Variants in NEURL3 observed in about 807,000 individuals in gnomAD.
The protein encoded by NEURL3 is E3 ubiquitin-protein ligase NEURL3.
Under a neutral mutation model 17.6 loss-of-function variants are expected in NEURL3, and 19 were observed. The ratio of observed to expected loss-of-function variants is 1.08; its 90% CI spans 0.75 to 1.58. The LOEUF is 1.58. NEURL3 is among the 40% of genes most tolerant of loss of function. NEURL3 has a pLI of 0.00. For synonymous variants in NEURL3, 180 were observed against 161.4 expected (o/e 1.11, Z -0.87); for missense variants, 342 against 379.6 (o/e 0.90, Z 0.82).
At chr2:96,505,379 CT>C, upstream of NEURL3, 1 of 1,270,884 alleles carries the variant, frequency 7.9e-7, no homozygotes, top group Non-Finnish European at 1.1e-6. Context: ...AGCAGGTCTG[CT>C]TTTTATGGGC....
intron 3 of NEURL3, 53 bp downstream of exon 3, chr2:96,499,325 A>T: frequency 1.3e-6 from 2 of 1,591,268 alleles, no homozygotes; most frequent in East Asian, 4.5e-5. Context: ...TTCTCCCTCC[A>T]CTCCCAGGTG....
intron 3 of NEURL3, 193 bp downstream of exon 3, chr2:96,499,185 C>G: frequency 7.1e-7 from 1 of 1,399,792 alleles, no homozygotes; most frequent in East Asian, 2.6e-5. Context: ...GCTCTTATAA[C>G]TCACAGAGTA....
In NEURL3 at chr2:96,498,278, C is replaced by A; in HGVS notation, c.755G>T (p.Gly252Val). 3.2e-6 allele frequency: 5 copies of A among 1,581,300 alleles called. No individual in the cohort carries two copies. Among genetic ancestry groups the A allele is most frequent in the South Asian group, 1.1e-5 (1 of 88,166 alleles). ...TTCCTCAACCCTCAGAGCAGGAGGG[C>A]CCTGCGCAGGGGCTACCGCCTCTAT... Reference protein sequence around the residue: ...WQIEAVAPAQGPPALRVEEGS With the variant: ...WQIEAVAPAQVPPALRVEEGS Residue 252 changes from glycine to valine, a missense_variant, in exon 4 of 4, where the codon GGC (glycine) becomes GTC (valine). By Grantham distance (109) the Gly-to-Val change is moderately radical. Coordinates refer to ENST00000451794, the MANE Select transcript of NEURL3 (RefSeq NM_001285485.2). This position sits in a 1 kb window ranked among gnomAD's most constrained non-coding sequence, Gnocchi z 4.4.
chr2:96,506,340 G>C (rs2065560535), upstream of NEURL3, among the ~76,000 whole-genome samples: 1 of 152,130 alleles, frequency 6.6e-6, no homozygotes. Context: ...TGAGTAGCTG[G>C]GACCACAGGT....
At position 96,498,058 on chromosome 2, in the gene NEURL3, T is replaced by G. The variant is rs2065460598; in HGVS notation, c.*186A>C. 1 of 611,652 alleles carries G rather than the reference T, an allele frequency of 1.6e-6. No individual in the cohort carries two copies. Among genetic ancestry groups the G allele is most frequent in the Non-Finnish European group, 2.8e-6 (1 of 352,988 alleles). 37.9% of individuals were successfully genotyped at this position (611,652 alleles called of 1,614,324 possible). A position where few individuals can be genotyped will look rare whatever the true frequency, so the allele number is the denominator to read the frequency against. ...CAGAAAGAGGGGTTTTTCCTTGCTA[T>G]CCTGTTGGGGAACAGGTGGAGGCAG... is the stretch of plus-strand genomic sequence containing the variant. On this transcript the variant is annotated 3_prime_UTR_variant, in exon 4 of 4. Transcript: ENST00000451794. This position sits in a 1 kb window ranked among gnomAD's most constrained non-coding sequence, Gnocchi z 4.4.
Position 96,498,775 on chromosome 2 carries a change from C to T in NEURL3, c.587-329G>A, listed in dbSNP as rs1025857201. ...CTTTTTTTTTAACTTTCCTCTTTAT[C>T]CTTTAATCTTTTTTATTTTTTAGAG... On this transcript the variant is annotated intron_variant, in intron 3 of 3. Transcript: ENST00000451794. This position sits in a 1 kb window ranked among gnomAD's most constrained non-coding sequence, Gnocchi z 4.4. Among the ~76,000 whole-genome samples, 1 of 151,954 alleles carries T rather than the reference C, an allele frequency of 6.6e-6. No individual in the cohort carries two copies. The highest frequency in any genetic ancestry group is 1.5e-5 in the Non-Finnish European group (1 of 67,996).
At chr2:96,501,053 A>C in intron 1 of NEURL3, 129 bp from the exon 2 acceptor site, 7 of 1,146,898 alleles carry the variant, frequency 6.1e-6, no homozygotes, top group Admixed American at 7.2e-5. Context: ...GACCATTTCC[A>C]CCTCTCTCGG....
At chr2:96,505,167 C>T in intron 1 of NEURL3, 92 bp downstream of exon 1, 1 of 1,481,990 alleles carries the variant, frequency 6.7e-7, no homozygotes, top group Non-Finnish European at 9.3e-7. Context: ...ACACTGACCA[C>T]ATCTCTACTC....
rs1329355114 is a variant in NEURL3 at position 96,500,464 on chromosome 2, C to A, written c.489G>T (p.Gly163=). 6.3e-7 allele frequency: 1 copy of A among 1,597,236 alleles called. No individual in the cohort carries two copies. The highest frequency in any genetic ancestry group is 2.2e-5 in the East Asian group (1 of 44,820). Residue 163 remains glycine, a synonymous_variant, in exon 2 of 4, where the codon GGG becomes GGT. Transcript: ENST00000451794. ...CCAGCAGCTCGATGGCCTTAGTGGTCCCATACACGTCCATCACGGCCCAGA... is the reference window on the plus strand; with the variant it reads ...CCAGCAGCTCGATGGCCTTAGTGGTACCATACACGTCCATCACGGCCCAGA... ...APLWAVMDVY[G]TTKAIELLDP...
Position 96,498,115 on chromosome 2 carries a change from C to T in NEURL3, c.*129G>A. The T allele has an allele frequency of 2.1e-6, 2 of 964,382 alleles. No homozygotes were observed. Among genetic ancestry groups the T allele is most frequent in the Middle Eastern group, 3.4e-4 (1 of 2,930 alleles). The allele number at this position is 964,382 out of a possible 1,614,324, so 59.7% of individuals were successfully genotyped here. Reference sequence around the variant, plus strand: ...GCACCTCCCTGCCTTCCTCTCTCTGCCGCACCTCTTGCTAATCAGCCTTTC... The same window carrying T: ...GCACCTCCCTGCCTTCCTCTCTCTGTCGCACCTCTTGCTAATCAGCCTTTC... On this transcript the variant is annotated 3_prime_UTR_variant, in exon 4 of 4. Transcript: ENST00000451794. The surrounding 1 kb of genome is among the most constrained non-coding windows in gnomAD (Gnocchi z 4.4).
chr2:96,498,247 T>C lies in NEURL3; in HGVS notation c.786A>G (p.Ser262=), dbSNP rs2065462961. ...GPPALRVEEG[S] is the part of the protein sequence containing the mutation. ...ACTCATACTGGGAAGCCTCCTTTCATGAGCCTTCCTCAACCCTCAGAGCAG... is the reference window on the plus strand; with the variant it reads ...ACTCATACTGGGAAGCCTCCTTTCACGAGCCTTCCTCAACCCTCAGAGCAG... The change falls in exon 4 of 4, where the codon TCA becomes TCG. Residue 262 remains serine, a synonymous_variant. Coordinates refer to ENST00000451794, the MANE Select transcript of NEURL3 (RefSeq NM_001285485.2). This position sits in a 1 kb window ranked among gnomAD's most constrained non-coding sequence, Gnocchi z 4.4. 6.5e-7 allele frequency: 1 copy of C among 1,548,886 alleles called. No individual in the cohort carries two copies. The highest frequency in any genetic ancestry group is 1.4e-5 in the African/African-American group (1 of 73,836).
chr2:96,506,520 C>T (rs937925716), upstream of NEURL3, among the ~76,000 whole-genome samples: 2 of 152,314 alleles, frequency 1.3e-5, no homozygotes, highest in East Asian at 1.9e-4. Flanking sequence ...ACCCCACTTT[C>T]GGGGGCAAGG....
rs2065459696 is a variant in NEURL3 at position 96,497,971 on chromosome 2, G to C, written c.*273C>G. 2 of 435,380 alleles carry C rather than the reference G, an allele frequency of 4.6e-6. No homozygotes were observed. The highest frequency in any genetic ancestry group is 8.2e-6 in the Non-Finnish European group (2 of 243,232). The allele number at this position is 435,380 out of a possible 1,614,324, so 27.0% of individuals were successfully genotyped here. ...AACTCCCTCAGATGTAAAACTGATT[G>C]GGGATTGGGCCACCCCATCTCTAAA... is the stretch of plus-strand genomic sequence containing the variant. On this transcript the variant is annotated 3_prime_UTR_variant, in exon 4 of 4. Transcript: ENST00000451794.
chr2:96,506,974 T>G (rs916672072), upstream of NEURL3, among the ~76,000 whole-genome samples: 1 of 152,168 alleles, frequency 6.6e-6, no homozygotes, highest in African/African-American at 2.4e-5. Flanking sequence ...CGCCACACAC[T>G]CTGTGTTTGT....
intron 1 of NEURL3, among the ~76,000 whole-genome samples, chr2:96,503,665 TC>T (rs1417649183): frequency 2.0e-5 from 3 of 152,164 alleles, no homozygotes; most frequent in Non-Finnish European, 4.4e-5. Flanking sequence ...CATACAGGGC[TC>T]TGTGCCTGGG....
At chr2:96,503,640 C>T (rs1042671654) in intron 1 of NEURL3, among the ~76,000 whole-genome samples, 1 of 152,122 alleles carries the variant, frequency 6.6e-6, no homozygotes, top group African/African-American at 2.4e-5. Flanking sequence ...CCCACAGGAC[C>T]GTGTCCACCG....
chr2:96,500,320 G>A, intron 2 of NEURL3, 119 bp downstream of exon 2: 1 of 1,430,944 alleles, frequency 7.0e-7, no homozygotes, highest in Non-Finnish European at 9.5e-7. Flanking sequence ...CTAACACTGG[G>A]CAGGGGCTGA....
intron 3 of NEURL3, chr2:96,499,081 C>T (rs1262767089): frequency 1.1e-6 from 1 of 929,068 alleles, no homozygotes; most frequent in African/African-American, 1.7e-5. Context: ...CCCCACCTAT[C>T]CTTTCATCTT....
chr2:96,501,663 G>A (rs946818037), intron 1 of NEURL3, among the ~76,000 whole-genome samples: 5 of 152,020 alleles, frequency 3.3e-5, no homozygotes, highest in African/African-American at 1.2e-4. Flanking sequence ...GAAACCAGGG[G>A]ACTTCCCACA....
Sources: gnomAD v4.1 joint callset for allele counts (sites outside exome capture counted in the v4.1 genomes callset) on GRCh38, gnomAD v4.1.1 for gene constraint, Gnocchi (gnomAD v3.1) non-coding constraint, MANE v1.5 for transcripts, NCBI Gene and HGNC (gene_info 2026-07-23, HGNC 2026-07-21) for gene names.